The following TENM2 variants were observed in gnomAD, a reference collection of about 807,000 sequenced individuals.
TENM2 encodes the protein teneurin-2.
A neutral mutation model predicts 245.2 loss-of-function variants in TENM2; 52 were observed. The ratio of observed to expected loss-of-function variants is 0.21; its 90% CI spans 0.17 to 0.27. TENM2 has a LOEUF of 0.27. TENM2 is among the 10% of genes least tolerant of loss of function. The probability of loss-of-function intolerance (pLI) is 1.00; values close to 1 mark genes in which losing one functional copy is unlikely to be tolerated. For missense variants in TENM2, 3,046 were observed against 3,666.8 expected, an observed-to-expected ratio of 0.83 and a Z score of 4.37; for synonymous variants, 1,363 against 1,438.9, an observed-to-expected ratio of 0.95 and a Z score of 1.19.
At chr5:167,045,048 A>T in the TENM2 span, among the ~76,000 whole-genome samples, 1 of 152,120 alleles carries the variant, frequency 6.6e-6, no homozygotes, top group Non-Finnish European at 1.5e-5. Context: ...CCTAGAGATG[A>T]GGGGGCATAA....
the TENM2 span, among the ~76,000 whole-genome samples, chr5:167,158,906 T>TCCTTCCTTCCTC: frequency 7.8e-6 from 1 of 128,408 alleles, no homozygotes; most frequent in Non-Finnish European, 1.6e-5. Context: ...CTTCCTTCCT[T>TCCTTCCTTCCTC]CCTCTTCCTC....
chr5:167,898,003 GA>G (rs1336626294), intron 3 of TENM2, among the ~76,000 whole-genome samples: 1 of 150,654 alleles, frequency 6.6e-6, no homozygotes, highest in East Asian at 2.0e-4. Flanking sequence ...AGAGGCAAGA[GA>G]TTTGCACACA....
chr5:167,542,052 G>A (rs1772244613), intron 2 of TENM2, among the ~76,000 whole-genome samples: 2 of 152,056 alleles, frequency 1.3e-5, no homozygotes, highest in South Asian at 4.2e-4. Context: ...AGTATCCTGG[G>A]CAGTGGGCAA....
At chr5:167,546,052 A>G (rs552237883) in intron 2 of TENM2, among the ~76,000 whole-genome samples, 2 of 152,242 alleles carry the variant, frequency 1.3e-5, no homozygotes, top group Non-Finnish European at 2.9e-5. Context: ...CATTCGAGTC[A>G]GAAAATATTA....
rs1233109405 is a variant in TENM2, at chr5:168,195,310, G to T, written c.2900+15G>T. 1.3e-6 allele frequency: 2 copies of T among 1,569,706 alleles called. No homozygotes were observed. Among genetic ancestry groups the T allele is most frequent in the East Asian group, 2.3e-5 (1 of 42,960 alleles). On this transcript the variant is annotated intron_variant, in intron 15 of 28. Coordinates refer to ENST00000518659, the Ensembl canonical transcript of TENM2. ...CAGGATGGCACGTGAGTAGCTTTGT[G>T]GGGCTCGGACCTACTCAGGACCACA...
At position 168,043,383 on chromosome 5, in the gene TENM2, C is replaced by T. The variant is rs183083082; in HGVS notation, c.1187-4044C>T. Among the ~76,000 whole-genome samples the T allele has an allele frequency of 2.4e-3, 363 of 152,234 alleles. 7 individuals are homozygous for T. The highest frequency in any genetic ancestry group is 6.2e-4 in the Non-Finnish European group (42 of 68,024). Reference sequence around the variant, plus strand: ...GGATTATAGGCGTGAGCCACCCCATCCAGCTCAGCTTTCTAAGTCTGGTTC... The same window carrying T: ...GGATTATAGGCGTGAGCCACCCCATTCAGCTCAGCTTTCTAAGTCTGGTTC... On this transcript the variant is annotated intron_variant, in intron 5 of 28. Coordinates refer to ENST00000518659, the Ensembl canonical transcript of TENM2.
chr5:167,299,314 A>G (rs2127733041), intron 1 of TENM2, among the ~76,000 whole-genome samples: 1 of 152,346 alleles, frequency 6.6e-6, no homozygotes, highest in East Asian at 1.9e-4. Flanking sequence ...AGAAGGAAAG[A>G]AATGACTGCA....
At chr5:167,905,979 G>C (rs949260181) in intron 3 of TENM2, among the ~76,000 whole-genome samples, 1 of 152,108 alleles carries the variant, frequency 6.6e-6, no homozygotes, top group African/African-American at 2.4e-5. Context: ...GTCTAGTAAG[G>C]TAGCTTCAAA....
intron 2 of TENM2, among the ~76,000 whole-genome samples, chr5:167,399,889 A>G (rs1268430856): frequency 6.6e-6 from 1 of 152,170 alleles, no homozygotes; most frequent in Non-Finnish European, 1.5e-5. Flanking sequence ...AAGAAACAGA[A>G]TAGATCACAT....
intron 22 of TENM2, 144 bp downstream of exon 24, chr5:168,217,066 A>ACAACCCCG: frequency 1.2e-6 from 1 of 867,594 alleles, no homozygotes; most frequent in Non-Finnish European, 1.8e-6. Context: ...AAAGCCTGAG[A>ACAACCCCG]TGAGCTAAAC....
intron 2 of TENM2, among the ~76,000 whole-genome samples, chr5:167,852,678 A>C (rs1770692501): frequency 6.6e-6 from 1 of 152,182 alleles, no homozygotes; most frequent in East Asian, 1.9e-4. Context: ...TGTACTGTAT[A>C]AGCTGAGTAT....
intron 1 of TENM2, among the ~76,000 whole-genome samples, chr5:167,370,258 C>T (rs1181375640): frequency 7.1e-6 from 1 of 140,146 alleles, no homozygotes; most frequent in Admixed American, 7.6e-5. Context: ...AGGAGAATGG[C>T]GTGAACCCGG....
intron 1 of TENM2, chr5:167,307,830 T>C (rs1488437634): frequency 6.6e-6 from 1 of 152,238 alleles, no homozygotes; most frequent in East Asian, 1.9e-4. Context: ...ATCCATACAA[T>C]GTTAACACTG....
chr5:167,206,405 G>T, the TENM2 span, among the ~76,000 whole-genome samples: 1 of 152,164 alleles, frequency 6.6e-6, no homozygotes, highest in Non-Finnish European at 1.5e-5. Flanking sequence ...CCCAAGGCTT[G>T]TTGTAGTTCC....
Position 168,244,022 on chromosome 5 carries a change from T to C in TENM2, c.5521-398T>C, listed in dbSNP as rs1175405546. Among the ~76,000 whole-genome samples, 1 of 146,878 alleles carries C rather than the reference T, an allele frequency of 6.8e-6. No individual in the cohort carries two copies. The highest frequency in any genetic ancestry group is 1.5e-5 in the Non-Finnish European group (1 of 66,820). On this transcript the variant is annotated intron_variant, in intron 25 of 28. Coordinates refer to ENST00000518659, the Ensembl canonical transcript of TENM2. This position sits in a 1 kb window ranked among gnomAD's most constrained non-coding sequence, Gnocchi z 4.9. ...GGCACAATTTCAGCTCACTGCCATC[T>C]CCACCTCCCAGGTTCAAGTGATTCT...
At chr5:168,110,042 T>C (rs1216839546) in intron 9 of TENM2, among the ~76,000 whole-genome samples, 2 of 135,672 alleles carry the variant, frequency 1.5e-5, no homozygotes, top group Non-Finnish European at 3.1e-5. Context: ...AACCCTTCTT[T>C]TTTTTTTTTT....
chr5:167,851,743 T>C (rs1049002419), intron 2 of TENM2, among the ~76,000 whole-genome samples: 4 of 152,196 alleles, frequency 2.6e-5, no homozygotes, highest in African/African-American at 9.6e-5. Context: ...CCCGCAGCTC[T>C]CTTGTTTGGG....
At chr5:167,219,688 A>G in the TENM2 span, among the ~76,000 whole-genome samples, 2 of 152,258 alleles carry the variant, frequency 1.3e-5, no homozygotes, top group African/African-American at 2.4e-5. Context: ...AGTTTAAAGT[A>G]TGTGAACCAT....
At chr5:167,126,045 G>A in the TENM2 span, among the ~76,000 whole-genome samples, 1 of 152,184 alleles carries the variant, frequency 6.6e-6, no homozygotes, top group Non-Finnish European at 1.5e-5. Context: ...TTTCTGCTTA[G>A]ATGTCCACAG....
Sources: gnomAD v4.1 joint callset for allele counts (sites outside exome capture counted in the v4.1 genomes callset) on GRCh38, gnomAD v4.1.1 for gene constraint, Gnocchi (gnomAD v3.1) non-coding constraint, MANE v1.5 for transcripts, NCBI Gene and HGNC (gene_info 2026-07-23, HGNC 2026-07-21) for gene names.